The following GPR155 variants were observed in gnomAD, a reference collection of about 807,000 sequenced individuals.
GPR155 encodes G protein-coupled receptor 155, also known as lysosomal cholesterol signaling protein.
In GPR155, 65 loss-of-function variants were observed where a neutral mutation model predicts 93.1. The observed-to-expected ratio is 0.70, with a 90% CI of 0.57 to 0.86. The LOEUF is 0.86. Ranked by LOEUF, GPR155 falls within the 40% of genes least tolerant of loss-of-function variation. The pLI is 0.00. For missense variants in GPR155, 838 were observed against 1,034.8 expected, an observed-to-expected ratio of 0.81 and a Z score of 2.61; for synonymous variants, 319 against 360.1, an observed-to-expected ratio of 0.89 and a Z score of 1.29.
chr2:174,439,284 G>T (rs1379057994), intron 15 of GPR155, among the ~76,000 whole-genome samples: 1 of 151,960 alleles, frequency 6.6e-6, no homozygotes, highest in African/African-American at 2.4e-5. Flanking sequence ...GAGAAATACT[G>T]GTAGTATAGT....
At chr2:174,456,124 G>A (rs193095762) in intron 10 of GPR155, among the ~76,000 whole-genome samples, 2 of 152,204 alleles carry the variant, frequency 1.3e-5, no homozygotes, top group Non-Finnish European at 1.5e-5. Context: ...TTACAGGTGT[G>A]AGCCACCACG....
intron 2 of GPR155, among the ~76,000 whole-genome samples, chr2:174,481,194 A>T (rs558816766): frequency 4.2e-4 from 64 of 152,320 alleles, no homozygotes; most frequent in African/African-American, 1.5e-3. Flanking sequence ...TTTTTAACAT[A>T]ATTTAAATCA....
chr2:174,444,799 A>G (rs949961571), intron 13 of GPR155, among the ~76,000 whole-genome samples: 3 of 152,030 alleles, frequency 2.0e-5, no homozygotes, highest in Non-Finnish European at 4.4e-5. Context: ...CCCGGTCCCA[A>G]TGTGACTTAT....
At chr2:174,471,420 C>T (rs1309650522) in intron 3 of GPR155, among the ~76,000 whole-genome samples, 1 of 143,846 alleles carries the variant, frequency 7.0e-6, no homozygotes, top group African/African-American at 2.6e-5. Context: ...AAAAAGATTC[C>T]AAAATCCTGT....
At chr2:174,454,773 A>AGAAAGGAAAG in intron 10 of GPR155, among the ~76,000 whole-genome samples, 1 of 137,576 alleles carries the variant, frequency 7.3e-6, no homozygotes, top group Non-Finnish European at 1.6e-5. Context: ...AGGAAGGGAA[A>AGAAAGGAAAG]GGAAGGAAAG....
rs1686673890 is a variant in GPR155, at chr2:174,432,792, C to T, written c.*3324G>A. On this transcript the variant is annotated 3_prime_UTR_variant, in exon 16 of 16. Transcript: ENST00000392552. ...TTTTTTTTTTTTTTTGCGATGGAGT[C>T]TCACTCTGTCGCCCAGGCTGGAGTG... 3 of 120,250 alleles carry T rather than the reference C, an allele frequency of 2.5e-5. No individual in the cohort carries two copies. The East Asian group carries it at 7.7e-4, about 31-fold the overall frequency. 7.4% of individuals were successfully genotyped at this position (120,250 alleles called of 1,614,324 possible). A position where few individuals can be genotyped will look rare whatever the true frequency, so the allele number is the denominator to read the frequency against.
Position 174,443,584 on chromosome 2 carries a change from C to T in GPR155, c.2110-1401G>A, listed in dbSNP as rs555917125. 5.8e-4 allele frequency among the ~76,000 whole-genome samples: 89 copies of T among 152,230 alleles called. 4 individuals carry two copies. The highest frequency in any genetic ancestry group is 2.1e-4 in the Non-Finnish European group (14 of 68,006). On this transcript the variant is annotated intron_variant, in intron 13 of 15. Coordinates refer to ENST00000392552, the MANE Select transcript of GPR155 (RefSeq NM_152529.7). The stretch of plus-strand genomic sequence containing the variant: ...TCTCTACTGAAAATACAAAAATTAG[C>T]TGGGCATGGTAGCAGGTGCCTGTAG...
At chr2:174,440,322 G>A (rs1388051389) in intron 14 of GPR155, among the ~76,000 whole-genome samples, 1 of 151,958 alleles carries the variant, frequency 6.6e-6, no homozygotes, top group African/African-American at 2.4e-5. Flanking sequence ...TCCATTTCAG[G>A]TTCTACTAAT....
At chr2:174,452,989 A>G (rs1456715513) in intron 11 of GPR155, among the ~76,000 whole-genome samples, 1 of 152,178 alleles carries the variant, frequency 6.6e-6, no homozygotes, top group Non-Finnish European at 1.5e-5. Flanking sequence ...TCCTTATTTT[A>G]TAAGAATGGC....
At chr2:174,458,631 T>A (rs1213601455) in intron 10 of GPR155, among the ~76,000 whole-genome samples, 1 of 152,144 alleles carries the variant, frequency 6.6e-6, no homozygotes, top group African/African-American at 2.4e-5. Flanking sequence ...AAGACTCAAC[T>A]CTGCCATTAT....
At chr2:174,474,607 T>G (rs1688091033) in intron 2 of GPR155, among the ~76,000 whole-genome samples, 1 of 152,116 alleles carries the variant, frequency 6.6e-6, no homozygotes, top group Non-Finnish European at 1.5e-5. Flanking sequence ...CTGGCTGTGT[T>G]AGACTTATGA....
intron 3 of GPR155, 147 bp from the exon 4 acceptor site, chr2:174,470,702 G>T (rs1341744991): frequency 3.5e-6 from 2 of 566,862 alleles, no homozygotes; most frequent in South Asian, 3.1e-5. Context: ...GTCTACCTGG[G>T]CACATTTTGT....
intron 10 of GPR155, among the ~76,000 whole-genome samples, chr2:174,459,609 C>T (rs1489555260): frequency 6.6e-6 from 1 of 152,172 alleles, no homozygotes; most frequent in Non-Finnish European, 1.5e-5. Context: ...CTGTGGGAGG[C>T]CGAGGCGGGT....
chr2:174,449,398 A>C (rs1461317145), intron 11 of GPR155, among the ~76,000 whole-genome samples: 1 of 152,208 alleles, frequency 6.6e-6, no homozygotes, highest in Non-Finnish European at 1.5e-5. Context: ...AAAAGAAAAA[A>C]AATGGTTCTA....
chr2:174,472,431 A>G (rs917329259), intron 3 of GPR155, among the ~76,000 whole-genome samples: 44 of 149,660 alleles, frequency 2.9e-4, no homozygotes, highest in African/African-American at 1.0e-3. Context: ...CAACAACAAC[A>G]AAAAAGAAGT....
chr2:174,486,256 G>T (rs1018749372), intron 1 of GPR155, among the ~76,000 whole-genome samples: 1 of 152,164 alleles, frequency 6.6e-6, no homozygotes, highest in Non-Finnish European at 1.5e-5. Context: ...TGCCTCGTCT[G>T]CAGGGACAGA....
chr2:174,440,203 C>T (rs1452350786), intron 14 of GPR155, among the ~76,000 whole-genome samples, 168 bp from the exon 15 acceptor site: 1 of 152,126 alleles, frequency 6.6e-6, no homozygotes, highest in Non-Finnish European at 1.5e-5. Flanking sequence ...ATTCTACATT[C>T]CAGACATCAT....
rs533820461 is a variant in GPR155, at chr2:174,460,049, T to C, written c.1600A>G (p.Ile534Val). 26 of 1,613,490 alleles carry C rather than the reference T, an allele frequency of 1.6e-5. No homozygotes were observed. In the South Asian group the frequency reaches 2.9e-4, roughly 18 times the overall value. The change falls in exon 10 of 16, where the codon ATA (isoleucine) becomes GTA (valine). Residue 534 changes from isoleucine to valine, a missense_variant. Physicochemically the swap from Ile to Val is conservative, Grantham distance 29. This residue lies in a region of GPR155 where 663 missense variants were observed against 790.1 expected (regional missense o/e 0.84). Coordinates refer to ENST00000392552, the MANE Select transcript of GPR155 (RefSeq NM_152529.7). Reference sequence around the variant, plus strand: ...ATGCACATGAGGGATATGCCAGCTATCAGGATGCTGCAGAACAGGGTGACT... The same window carrying C: ...ATGCACATGAGGGATATGCCAGCTACCAGGATGCTGCAGAACAGGGTGACT... ...TAVTLFCSIL[I>V]AGISLMCMNQ...
intron 7 of GPR155, among the ~76,000 whole-genome samples, chr2:174,463,561 C>T (rs562183101): frequency 5.9e-5 from 9 of 152,070 alleles, no homozygotes; most frequent in Non-Finnish European, 1.0e-4. Context: ...GATATTACAA[C>T]GCACAGTCCA....
Sources: gnomAD v4.1 joint callset for allele counts (sites outside exome capture counted in the v4.1 genomes callset) on GRCh38, gnomAD v4.1.1 for gene constraint, gnomAD v4.1.1 regional missense constraint, MANE v1.5 for transcripts, NCBI Gene and HGNC (gene_info 2026-07-23, HGNC 2026-07-21) for gene names.